The following GUCY1A2 variants were observed in gnomAD, a reference collection of about 807,000 sequenced individuals.
GUCY1A2 encodes the protein guanylate cyclase 1 soluble subunit alpha 2, also known as guanylate cyclase soluble subunit alpha-2.
A neutral mutation model predicts 63.5 loss-of-function variants in GUCY1A2; 27 were observed. The ratio of observed to expected loss-of-function variants is 0.43; its 90% CI spans 0.31 to 0.59. The LOEUF is 0.59. Among genes scored for constraint, GUCY1A2 ranks in the 20% least tolerant of loss-of-function variants. GUCY1A2 has a pLI of 0.11. For missense variants in GUCY1A2, 768 were observed against 913.3 expected, an observed-to-expected ratio of 0.84 and a Z score of 2.05; for synonymous variants, 364 against 343.5, an observed-to-expected ratio of 1.06 and a Z score of -0.66.
At chr11:106,826,414 T>C (rs1489651448) in intron 4 of GUCY1A2, 15 of 1,563,478 alleles carry the variant, frequency 9.6e-6, no homozygotes, top group African/African-American at 1.4e-5. Flanking sequence ...ATCTTCTATA[T>C]CAATATTTGG....
intron 1 of GUCY1A2, among the ~76,000 whole-genome samples, chr11:106,994,834 T>G (rs1861514730): frequency 6.6e-6 from 1 of 152,190 alleles, no homozygotes; most frequent in Admixed American, 6.5e-5. Context: ...CCTTTTGTCT[T>G]TAATGGAATG....
At chr11:106,729,893 G>A (rs1272524988) in intron 6 of GUCY1A2, among the ~76,000 whole-genome samples, 1 of 151,114 alleles carries the variant, frequency 6.6e-6, no homozygotes, top group Non-Finnish European at 1.5e-5. Flanking sequence ...ATCTTCTTGT[G>A]TCTATGTACA....
At chr11:106,865,596 A>G (rs1565314166) in intron 4 of GUCY1A2, among the ~76,000 whole-genome samples, 2 of 151,986 alleles carry the variant, frequency 1.3e-5, no homozygotes, top group Non-Finnish European at 2.9e-5. Flanking sequence ...TGGGAGTTGA[A>G]CAATAAGAAC....
At chr11:106,733,283 T>C (rs1320291651) in intron 6 of GUCY1A2, among the ~76,000 whole-genome samples, 1 of 151,250 alleles carries the variant, frequency 6.6e-6, no homozygotes, top group Non-Finnish European at 1.5e-5. Context: ...TGGGTCAGGA[T>C]GTAAAATGTA....
At position 106,677,087 on chromosome 11, in the gene GUCY1A2, A is replaced by G. The variant is rs578245226; in HGVS notation, c.*10462T>C. On this transcript the variant is annotated 3_prime_UTR_variant, in exon 8 of 8. Coordinates refer to ENST00000526355, the MANE Select transcript of GUCY1A2 (RefSeq NM_000855.3). ...AATCCACAAAGTGTTCAATCATGTG[A>G]AAGTGAAAAAGGGAGGCTCCAGCCC... 1 of 214,182 alleles carries G rather than the reference A, an allele frequency of 4.7e-6. No individual in the cohort carries two copies. The highest frequency in any genetic ancestry group is 6.8e-5 in the East Asian group (1 of 14,644). 13.3% of individuals were successfully genotyped at this position (214,182 alleles called of 1,614,324 possible).
chr11:107,005,015 TGTGA>T (rs1368424657), intron 1 of GUCY1A2, among the ~76,000 whole-genome samples: 2 of 152,190 alleles, frequency 1.3e-5, no homozygotes, highest in Non-Finnish European at 2.9e-5. Context: ...GCATTAATAT[TGTGA>T]GTATTTAATG....
intron 5 of GUCY1A2, among the ~76,000 whole-genome samples, chr11:106,798,352 C>A (rs1262771870): frequency 1.3e-5 from 2 of 152,138 alleles, no homozygotes; most frequent in African/African-American, 4.8e-5. Flanking sequence ...GGAGCTGGTA[C>A]CATTCCTTCT....
In GUCY1A2 at chr11:107,014,121, G is replaced by A. The variant is rs544989079; in HGVS notation, c.303+3632C>T. On this transcript the variant is annotated intron_variant, in intron 1 of 7. Coordinates refer to ENST00000526355, the MANE Select transcript of GUCY1A2 (RefSeq NM_000855.3). ...TTTTTTTTTTTTGAGACGGAGTCTCGCTCTGTCGCCAGGCTGGAATGCAGT... is the reference window on the plus strand; with the variant it reads ...TTTTTTTTTTTTGAGACGGAGTCTCACTCTGTCGCCAGGCTGGAATGCAGT... 1.8e-4 allele frequency among the ~76,000 whole-genome samples: 20 copies of A among 111,520 alleles called. 2 individuals are homozygous for A. The highest frequency in any genetic ancestry group is 4.2e-4 in the African/African-American group (12 of 28,320). The allele number at this position is 111,520 out of a possible 152,430, so 73.2% of individuals were successfully genotyped here.
intron 4 of GUCY1A2, among the ~76,000 whole-genome samples, chr11:106,864,347 A>G (rs1859559218): frequency 1.3e-5 from 2 of 152,084 alleles, no homozygotes; most frequent in Admixed American, 6.6e-5. Flanking sequence ...CTAAATATAC[A>G]ATCATGTCAT....
intron 6 of GUCY1A2, among the ~76,000 whole-genome samples, chr11:106,727,332 T>G (rs1240765806): frequency 2.6e-5 from 4 of 152,306 alleles, no homozygotes; most frequent in Admixed American, 6.5e-5. Context: ...AGCTGTCCTG[T>G]GGGATGCAGC....
Position 106,916,959 on chromosome 11 carries a change from T to C in GUCY1A2, c.1206+22501A>G, listed in dbSNP as rs1464480194. Among the ~76,000 whole-genome samples, 2 of 145,938 alleles carry C rather than the reference T, an allele frequency of 1.4e-5. 1 individual carries two copies. The highest frequency in any genetic ancestry group is 4.2e-4 in the East Asian group (2 of 4,760). ...TTTTAAAACATTTAATGAGAATCTATTATGTAATTAAAATGTTGTTCTAGG... is the reference window on the plus strand; with the variant it reads ...TTTTAAAACATTTAATGAGAATCTACTATGTAATTAAAATGTTGTTCTAGG... On this transcript the variant is annotated intron_variant, in intron 4 of 7. Coordinates refer to ENST00000526355, the MANE Select transcript of GUCY1A2 (RefSeq NM_000855.3).
chr11:106,930,593 GA>G (rs1419875978), intron 4 of GUCY1A2, among the ~76,000 whole-genome samples: 1 of 152,152 alleles, frequency 6.6e-6, no homozygotes, highest in Non-Finnish European at 1.5e-5. Flanking sequence ...ATTGCAAAAA[GA>G]AAGATGCTGT....
At chr11:106,789,144 A>G (rs1864616216) in intron 5 of GUCY1A2, among the ~76,000 whole-genome samples, 1 of 152,034 alleles carries the variant, frequency 6.6e-6, no homozygotes, top group South Asian at 2.1e-4. Flanking sequence ...CATTGTAGAG[A>G]TCTTTCACTT....
At chr11:106,882,133 A>G (rs1345534370) in intron 4 of GUCY1A2, among the ~76,000 whole-genome samples, 1 of 151,824 alleles carries the variant, frequency 6.6e-6, no homozygotes, top group African/African-American at 2.4e-5. Flanking sequence ...ATTTTGCTGA[A>G]GAAAAATAAA....
chr11:106,930,815 C>T (rs113282549), intron 4 of GUCY1A2, among the ~76,000 whole-genome samples: 74 of 152,360 alleles, frequency 4.9e-4, no homozygotes, highest in African/African-American at 1.7e-3. Context: ...CGACCCATGC[C>T]TGTAAATCCC....
chr11:106,827,904 C>G, intron 4 of GUCY1A2: 3 of 1,472,210 alleles, frequency 2.0e-6, no homozygotes, highest in Non-Finnish European at 2.8e-6. Context: ...GCCGGACTCC[C>G]AGTGGTTTAC....
At chr11:106,854,595 T>A (rs1219358985) in intron 4 of GUCY1A2, among the ~76,000 whole-genome samples, 1 of 152,032 alleles carries the variant, frequency 6.6e-6, no homozygotes, top group Non-Finnish European at 1.5e-5. Flanking sequence ...GGCTCCTGGA[T>A]GGCATGCACA....
intron 6 of GUCY1A2, among the ~76,000 whole-genome samples, chr11:106,720,601 A>C (rs943392245): frequency 6.6e-6 from 1 of 152,210 alleles, no homozygotes; most frequent in African/African-American, 2.4e-5. Flanking sequence ...AACTGATTAA[A>C]TAGTCATGCA....
At chr11:106,802,721 G>A (rs972123804) in intron 5 of GUCY1A2, among the ~76,000 whole-genome samples, 3 of 152,072 alleles carry the variant, frequency 2.0e-5, no homozygotes, top group African/African-American at 7.2e-5. Context: ...ACAAGTGGCT[G>A]CCATCTTAGT....
Sources: gnomAD v4.1 joint callset for allele counts (sites outside exome capture counted in the v4.1 genomes callset) on GRCh38, gnomAD v4.1.1 for gene constraint, MANE v1.5 for transcripts, NCBI Gene and HGNC (gene_info 2026-07-23, HGNC 2026-07-21) for gene names.